The following ADAM23 variants were observed in gnomAD, a reference collection of about 807,000 sequenced individuals.
ADAM23 encodes disintegrin and metalloproteinase domain-containing protein 23.
In ADAM23, 33 loss-of-function variants were observed where a neutral mutation model predicts 120.1. The observed-to-expected ratio is 0.27, with a 90% CI of 0.21 to 0.37. The LOEUF (loss-of-function observed/expected upper bound fraction) is 0.37, where lower values mean the gene tolerates loss of function less well. ADAM23 is among the 10% of genes least tolerant of loss of function. ADAM23 has a pLI of 1.00. For synonymous variants in ADAM23, 367 were observed against 375.2 expected (o/e 0.98, Z 0.25); for missense variants, 862 against 1,058.2 (o/e 0.81, Z 2.57).
intron 3 of ADAM23, among the ~76,000 whole-genome samples, chr2:206,525,933 A>C (rs907293367): frequency 1.3e-5 from 2 of 152,108 alleles, no homozygotes; most frequent in African/African-American, 4.8e-5. Flanking sequence ...TTTCCAAAAA[A>C]ACTGGATCTA....
rs553541777 is a variant in ADAM23 at position 206,504,463 on chromosome 2, A to G, written c.509+23155A>G. ...CATGGGTTAGTAACCTTGAATAAAG[A>G]CTTGAGGTCTTCTCTGGCCAAGTGT... On this transcript the variant is annotated intron_variant, in intron 3 of 25. Transcript: ENST00000264377. Among the ~76,000 whole-genome samples the G allele has an allele frequency of 4.9e-3, 751 of 152,292 alleles. 2 individuals are homozygous for G. The highest frequency in any genetic ancestry group is 0.014 in the Middle Eastern group (4 of 294).
At chr2:206,594,229 C>T (rs1205767326) in intron 22 of ADAM23, among the ~76,000 whole-genome samples, 1 of 151,982 alleles carries the variant, frequency 6.6e-6, no homozygotes, top group East Asian at 1.9e-4. Context: ...TTAAGCTAGG[C>T]ATGTCTGTAA....
At chr2:206,477,386 A>T (rs1408220089) in intron 2 of ADAM23, among the ~76,000 whole-genome samples, 2 of 152,182 alleles carry the variant, frequency 1.3e-5, no homozygotes, top group Non-Finnish European at 2.9e-5. Context: ...CTGAGTTAAA[A>T]GAAAAATACT....
chr2:206,465,113 G>A (rs1695517071), intron 2 of ADAM23, among the ~76,000 whole-genome samples: 1 of 152,072 alleles, frequency 6.6e-6, no homozygotes, highest in South Asian at 2.1e-4. Context: ...TGGTGTGATC[G>A]TTGCTCGCCG....
At chr2:206,524,026 A>G (rs555310080) in intron 3 of ADAM23, among the ~76,000 whole-genome samples, 1 of 152,140 alleles carries the variant, frequency 6.6e-6, no homozygotes, top group South Asian at 2.1e-4. Flanking sequence ...GTGGTAGGAG[A>G]CTTCTTGGAT....
chr2:206,616,147 A>C (rs13410111), intron 25 of ADAM23, among the ~76,000 whole-genome samples: 1 of 152,080 alleles, frequency 6.6e-6, no homozygotes, highest in Admixed American at 6.6e-5. Flanking sequence ...TTAAACCTCT[A>C]CCTTCCAGGG....
chr2:206,445,698 G>C (rs1312759053), intron 2 of ADAM23, among the ~76,000 whole-genome samples, 174 bp downstream of exon 2: 2 of 152,202 alleles, frequency 1.3e-5, no homozygotes, highest in Non-Finnish European at 2.9e-5. Flanking sequence ...ACTGGGATAA[G>C]ACTGTTGTTT....
intron 3 of ADAM23, among the ~76,000 whole-genome samples, chr2:206,524,357 A>G (rs1165276249): frequency 6.6e-6 from 1 of 152,186 alleles, no homozygotes; most frequent in Non-Finnish European, 1.5e-5. Context: ...TCTTGCAGTG[A>G]ATGTGATCTC....
intron 10 of ADAM23, among the ~76,000 whole-genome samples, chr2:206,559,084 A>G (rs1697706603): frequency 6.6e-6 from 1 of 152,058 alleles, no homozygotes; most frequent in Admixed American, 6.5e-5. Flanking sequence ...AGCTGGGACT[A>G]CAGGCGCCCA....
intron 22 of ADAM23, among the ~76,000 whole-genome samples, chr2:206,593,745 C>CA: frequency 6.6e-6 from 1 of 151,908 alleles, no homozygotes; most frequent in Admixed American, 6.6e-5. Context: ...ATATACTAAA[C>CA]TAGCATATTT....
chr2:206,485,698 A>T (rs998149764), intron 3 of ADAM23, among the ~76,000 whole-genome samples: 4 of 152,194 alleles, frequency 2.6e-5, no homozygotes, highest in South Asian at 2.1e-4. Context: ...ATAGGTGCTG[A>T]TGTTGCTGAG....
In ADAM23 at chr2:206,619,577, C is replaced by G. The variant is rs1699003842; in HGVS notation, c.*1950C>G. 6.6e-6 allele frequency: 1 copy of G among 151,368 alleles called. No individual in the cohort carries two copies. The highest frequency in any genetic ancestry group is 1.5e-5 in the Non-Finnish European group (1 of 67,916). 9.4% of individuals were successfully genotyped at this position (151,368 alleles called of 1,614,324 possible). A position where few individuals can be genotyped will look rare whatever the true frequency, so the allele number is the denominator to read the frequency against. Reference sequence around the variant, plus strand: ...TCATCACTTCTTCATGACACCAAATCCATTGCTAGGTTTAGCTCCTGGTCC... The same window carrying G: ...TCATCACTTCTTCATGACACCAAATGCATTGCTAGGTTTAGCTCCTGGTCC... On this transcript the variant is annotated 3_prime_UTR_variant, in exon 26 of 26. Transcript: ENST00000264377.
intron 3 of ADAM23, among the ~76,000 whole-genome samples, chr2:206,513,927 T>G (rs1164555117): frequency 3.3e-5 from 5 of 152,182 alleles, no homozygotes; most frequent in Non-Finnish European, 1.5e-5. Context: ...GCACATCTGT[T>G]TACAATATGG....
chr2:206,584,926 T>G (rs934308211), intron 18 of ADAM23, among the ~76,000 whole-genome samples: 3 of 152,180 alleles, frequency 2.0e-5, no homozygotes, highest in African/African-American at 7.2e-5. Flanking sequence ...TGTTGCTTCC[T>G]CTACCCCTGT....
intron 2 of ADAM23, among the ~76,000 whole-genome samples, chr2:206,463,827 G>A (rs963156842): frequency 7.9e-5 from 12 of 152,230 alleles, no homozygotes; most frequent in Non-Finnish European, 1.8e-4. Flanking sequence ...ACTGTATTAC[G>A]TGAATTGTGG....
intron 18 of ADAM23, among the ~76,000 whole-genome samples, chr2:206,583,058 A>G (rs1407793554): frequency 6.6e-6 from 1 of 152,180 alleles, no homozygotes; most frequent in East Asian, 1.9e-4. Flanking sequence ...TGAATTTCTC[A>G]GGTGTTCTTT....
rs535771273 is a variant in ADAM23, at chr2:206,467,060, TCACCTCCCAACAGTCCA to T, written c.433-14164_433-14148del. ...ATGGAAAACCGCTTGCGTGATCAAA[TCACCTCCCAACAGTCCA>T]CACCTCCAACACTGGGTATTATAAA... On this transcript the variant is annotated intron_variant, in intron 2 of 25. Coordinates refer to ENST00000264377, the MANE Select transcript of ADAM23 (RefSeq NM_003812.4). Among the ~76,000 whole-genome samples, 701 of 152,296 alleles carry T rather than the reference TCACCTCCCAACAGTCCA, an allele frequency of 4.6e-3. 6 individuals are homozygous for T. The highest frequency in any genetic ancestry group is 0.016 in the African/African-American group (659 of 41,558).
Position 206,492,765 on chromosome 2 carries a change from C to T in ADAM23, c.509+11457C>T, listed in dbSNP as rs537012148. On this transcript the variant is annotated intron_variant, in intron 3 of 25. Coordinates refer to ENST00000264377, the MANE Select transcript of ADAM23 (RefSeq NM_003812.4). ...GGCAAAGCTCTCATGGCCTAATCAC[C>T]CTGAAAAGACCCCACCTCTTCATAG... Among the ~76,000 whole-genome samples, 77 of 152,166 alleles carry T rather than the reference C, an allele frequency of 5.1e-4. 2 individuals are homozygous for T. In the South Asian group the frequency reaches 0.014, roughly 27 times the overall value.
chr2:206,496,410 A>G (rs1485654024), intron 3 of ADAM23, among the ~76,000 whole-genome samples: 1 of 152,234 alleles, frequency 6.6e-6, no homozygotes, highest in Non-Finnish European at 1.5e-5. Flanking sequence ...TACTGGGTAC[A>G]TAACGAAATG....
Sources: gnomAD v4.1 joint callset for allele counts (sites outside exome capture counted in the v4.1 genomes callset) on GRCh38, gnomAD v4.1.1 for gene constraint, MANE v1.5 for transcripts, NCBI Gene and HGNC (gene_info 2026-07-23, HGNC 2026-07-21) for gene names.